SLC1A7: variants seen among roughly 807,000 people sequenced by gnomAD.
SLC1A7 encodes excitatory amino acid transporter 5.
Under a neutral mutation model 47.7 loss-of-function variants are expected in SLC1A7, and 40 were observed. That is an observed-to-expected ratio of 0.84 (90% CI 0.65 to 1.09). The LOEUF is 1.09. Ranked by LOEUF, SLC1A7 falls within the 50% of genes least tolerant of loss-of-function variation. SLC1A7 has a pLI of 0.00. For missense variants in SLC1A7, 746 were observed against 769.5 expected, an observed-to-expected ratio of 0.97 and a Z score of 0.36; for synonymous variants, 323 against 325.6, an observed-to-expected ratio of 0.99 and a Z score of 0.09.
At chr1:53,111,781 G>A (rs1028115406) in intron 3 of SLC1A7, among the ~76,000 whole-genome samples, 3 of 152,170 alleles carry the variant, frequency 2.0e-5, no homozygotes, top group Non-Finnish European at 4.4e-5. Flanking sequence ...GACTAAATTC[G>A]GAAGTGCCAG....
chr1:53,090,339 G>A (rs1032028950), intron 8 of SLC1A7: 7 of 555,928 alleles, frequency 1.3e-5, no homozygotes, highest in Admixed American at 3.5e-5. Flanking sequence ...AGCCTCAGCC[G>A]CATCCCAGCA....
At chr1:53,100,595 TCACA>T (rs1292189598) in intron 5 of SLC1A7, among the ~76,000 whole-genome samples, 1 of 147,392 alleles carries the variant, frequency 6.8e-6, no homozygotes, top group African/African-American at 2.6e-5. Context: ...CTCAGTACAC[TCACA>T]CAACCTGCCT....
In SLC1A7 at chr1:53,118,023, A is replaced by AGCCTCCCCC. The variant is rs374630839; in HGVS notation, c.216-3059_216-3051dup. On this transcript the variant is annotated intron_variant, in intron 2 of 10. Coordinates refer to ENST00000371494, the MANE Select transcript of SLC1A7 (RefSeq NM_006671.6). ...CTGGTGACAGCTGGCAGCACAGGCC[A>AGCCTCCCCC]GCCTCCCCCGGAGTGCCAGGGCCAC... Among the ~76,000 whole-genome samples, 84 of 152,386 alleles carry AGCCTCCCCC rather than the reference A, an allele frequency of 5.5e-4. 1 individual carries two copies. The highest frequency in any genetic ancestry group is 1.9e-3 in the African/African-American group (80 of 41,594).
intron 9 of SLC1A7, 68 bp from the exon 10 acceptor site, chr1:53,089,047 C>T (rs1644391248): frequency 7.9e-7 from 1 of 1,269,846 alleles, no homozygotes; most frequent in Non-Finnish European, 1.2e-6. Flanking sequence ...CAGTGCTCAA[C>T]CCAGCACAGT....
chr1:53,133,352 G>A (rs1343235021), intron 2 of SLC1A7, among the ~76,000 whole-genome samples: 1 of 152,220 alleles, frequency 6.6e-6, no homozygotes, highest in Non-Finnish European at 1.5e-5. Flanking sequence ...TGAAGGCTGA[G>A]TCCTGAGAAA....
intron 2 of SLC1A7, among the ~76,000 whole-genome samples, chr1:53,121,932 C>T (rs1323343421): frequency 5.4e-5 from 8 of 148,874 alleles, no homozygotes; most frequent in Admixed American, 6.7e-5. Context: ...GAGAAAGGGA[C>T]GGGGCGGGGT....
chr1:53,132,881 C>T (rs1382291873), intron 2 of SLC1A7, among the ~76,000 whole-genome samples: 1 of 152,078 alleles, frequency 6.6e-6, no homozygotes, highest in Admixed American at 6.6e-5. Flanking sequence ...GTGAAACATC[C>T]AAGTGGAGAT....
intron 3 of SLC1A7, among the ~76,000 whole-genome samples, chr1:53,110,012 AC>A (rs1644685565): frequency 6.6e-6 from 1 of 151,932 alleles, no homozygotes; most frequent in African/African-American, 2.4e-5. Context: ...TCCCAAACCC[AC>A]CAGCTTCCCA....
At chr1:53,115,290 T>C in intron 2 of SLC1A7, 1 of 398,418 alleles carries the variant, frequency 2.5e-6, no homozygotes, top group Non-Finnish European at 4.6e-6. Flanking sequence ...GAAATGCGTG[T>C]GCTTTACTTT....
At chr1:53,090,990 G>T in intron 7 of SLC1A7, 184 bp from the exon 8 acceptor site, 1 of 1,476,768 alleles carries the variant, frequency 6.8e-7, no homozygotes, top group Non-Finnish European at 9.0e-7. Flanking sequence ...CTTCCTATGA[G>T]GGAGGTGTTT....
At chr1:53,111,399 T>C (rs747518247) in intron 3 of SLC1A7, among the ~76,000 whole-genome samples, 1 of 152,150 alleles carries the variant, frequency 6.6e-6, no homozygotes, top group African/African-American at 2.4e-5. Context: ...ACGACTTTGT[T>C]GCCATGTGCT....
intron 2 of SLC1A7, among the ~76,000 whole-genome samples, chr1:53,129,608 G>T (rs1385327925): frequency 3.0e-3 from 411 of 135,560 alleles, no homozygotes; most frequent in Admixed American, 4.6e-3. Flanking sequence ...ATTATGGGAA[G>T]AGTGACTGAA....
At chr1:53,108,887 G>T (rs1008367880) in intron 3 of SLC1A7, among the ~76,000 whole-genome samples, 1 of 152,158 alleles carries the variant, frequency 6.6e-6, no homozygotes, top group Non-Finnish European at 1.5e-5. Context: ...AATAACCAAT[G>T]AATTTATCCT....
In SLC1A7 at chr1:53,112,546, C is replaced by T. The variant is rs950538762; in HGVS notation, c.431+2212G>A. Among the ~76,000 whole-genome samples the T allele has an allele frequency of 9.9e-5, 15 of 152,240 alleles. No homozygotes were observed. The East Asian group carries it at 2.9e-3, about 29-fold the overall frequency. ...TGGGTGGGAGCCTGTGTATGGGCAT[C>T]TATCCCCACGGGGGAGGAAAGGAAT... On this transcript the variant is annotated intron_variant, in intron 3 of 10. Coordinates refer to ENST00000371494, the MANE Select transcript of SLC1A7 (RefSeq NM_006671.6).
intron 3 of SLC1A7, among the ~76,000 whole-genome samples, chr1:53,111,004 G>A (rs1644696008): frequency 6.6e-6 from 1 of 152,160 alleles, no homozygotes; most frequent in Non-Finnish European, 1.5e-5. Context: ...TAGGCTCCAG[G>A]ATACAGCAGG....
intron 5 of SLC1A7, among the ~76,000 whole-genome samples, chr1:53,100,182 CACACACCCCACCTTGGTAT>C (rs1644555901): frequency 1.0e-5 from 1 of 95,840 alleles, no homozygotes; most frequent in Non-Finnish European, 2.4e-5. Context: ...TCAGTACATT[CACACACCCCACCTTGGTAT>C]ACTCACACAC....
chr1:53,125,607 C>T (rs977945567), intron 2 of SLC1A7, among the ~76,000 whole-genome samples: 1 of 152,198 alleles, frequency 6.6e-6, no homozygotes, highest in African/African-American at 2.4e-5. Flanking sequence ...AATTGGGGCT[C>T]AACTCCCGGG....
intron 2 of SLC1A7, among the ~76,000 whole-genome samples, chr1:53,132,825 G>A (rs1309311737): frequency 6.6e-6 from 1 of 152,168 alleles, no homozygotes; most frequent in East Asian, 1.9e-4. Flanking sequence ...TAGCCTGGGC[G>A]ACAGGGCAAG....
chr1:53,138,146 C>A (rs543231123), intron 1 of SLC1A7, among the ~76,000 whole-genome samples: 1 of 152,166 alleles, frequency 6.6e-6, no homozygotes, highest in Admixed American at 6.5e-5. Flanking sequence ...TGTCTTCTAG[C>A]TTCCAGTTTG....
Sources: allele counts gnomAD v4.1 joint callset (sites outside exome capture counted in the v4.1 genomes callset), GRCh38; gene constraint gnomAD v4.1.1; transcripts MANE v1.5; gene names NCBI Gene and HGNC (gene_info 2026-07-23, HGNC 2026-07-21).